MISP: variants seen among roughly 807,000 people sequenced by gnomAD.
MISP encodes mitotic spindle positioning.
A neutral mutation model predicts 49.3 loss-of-function variants in MISP; 51 were observed. That is an observed-to-expected ratio of 1.03 (90% confidence interval 0.83 to 1.31). The LOEUF is 1.31. MISP is among the 50% of genes most tolerant of loss of function. The probability of loss-of-function intolerance (pLI) is 0.00; values close to 1 mark genes in which losing one functional copy is unlikely to be tolerated. For missense variants in MISP, 1,084 were observed against 935.1 expected (o/e 1.16, Z -2.08); for synonymous variants, 444 against 392.6 (o/e 1.13, Z -1.55).
At chr19:751,764 C>T (rs377419581) in intron 1 of MISP, among the ~76,000 whole-genome samples, 5 of 152,114 alleles carry the variant, frequency 3.3e-5, no homozygotes, top group East Asian at 3.9e-4. Flanking sequence ...CTCGGCCCAG[C>T]GTCTGCCGGT....
At position 758,629 on chromosome 19, in the gene MISP, G is replaced by A. The variant is rs756008075; in HGVS notation, c.1683G>A (p.Val561=). The A allele has an allele frequency of 1.2e-6, 2 of 1,614,262 alleles. No individual in the cohort carries two copies. The highest frequency in any genetic ancestry group is 1.1e-5 in the South Asian group (1 of 91,086). ...GTGTCCTGCGCCGGGAGCAAGAGGT[G>A]GCAGAGGAGCGGAGAAATGCTCTCT... ...RESVLRREQE[V]AEERRNALFP... Residue 561 remains valine, a synonymous_variant, in exon 2 of 5, where the codon GTG becomes GTA. Transcript: ENST00000215582.
Position 757,825 on chromosome 19 carries a change from C to A in MISP, c.879C>A (p.Ile293=). Residue 293 remains isoleucine (I), a synonymous_variant, in exon 2 of 5, where the codon ATC becomes ATA. Transcript: ENST00000215582. The part of the protein sequence containing the change: ...ESPGTPKETP[I]EREIRLAQER... The stretch of plus-strand genomic sequence containing the variant: ...CGGGGACCCCCAAGGAGACGCCCAT[C>A]GAGCGGGAGATCCGTCTGGCTCAGG... 1 of 1,611,056 alleles carries A rather than the reference C, an allele frequency of 6.2e-7. No individual in the cohort carries two copies. The highest frequency in any genetic ancestry group is 1.1e-5 in the South Asian group (1 of 90,952).
At chr19:763,418 C>G in intron 4 of MISP, 83 bp from the exon 5 acceptor site, 2 of 958,028 alleles carry the variant, frequency 2.1e-6, no homozygotes. Flanking sequence ...TTCTAGGCCT[C>G]TCTAATGAAT....
upstream of MISP, among the ~76,000 whole-genome samples, chr19:748,934 C>T (rs770475527): frequency 4.6e-5 from 7 of 152,182 alleles, no homozygotes; most frequent in Non-Finnish European, 1.0e-4. Flanking sequence ...GTCAAGAGAT[C>T]GATACCATCC....
Position 757,380 on chromosome 19 carries a change from C to T in MISP, c.434C>T (p.Ala145Val), listed in dbSNP as rs745862363. 3.1e-6 allele frequency: 5 copies of T among 1,611,362 alleles called. No homozygotes were observed. The highest frequency in any genetic ancestry group is 4.2e-6 in the Non-Finnish European group (5 of 1,178,996). ...RLCDLERERW[A>V]VIQGQAVRKS... is the part of the protein sequence containing the mutation. Reference sequence around the variant, plus strand: ...TGTGACCTGGAGCGGGAGCGCTGGGCCGTCATCCAGGGCCAGGCAGTCAGG... The same window carrying T: ...TGTGACCTGGAGCGGGAGCGCTGGGTCGTCATCCAGGGCCAGGCAGTCAGG... The change falls in exon 2 of 5, where the codon GCC becomes GTC. Residue 145 changes from alanine (A) to valine (V), a missense_variant. Physicochemically the swap from Ala to Val is moderately conservative, Grantham distance 64. Coordinates refer to ENST00000215582, the MANE Select transcript of MISP (RefSeq NM_173481.4).
chr19:756,058 T>TG (rs1427068660), intron 1 of MISP, among the ~76,000 whole-genome samples: 1 of 152,142 alleles, frequency 6.6e-6, no homozygotes, highest in Non-Finnish European at 1.5e-5. Flanking sequence ...TGCGAGTTGT[T>TG]GGGGTAGTAA....
At position 758,062 on chromosome 19, in the gene MISP, G is replaced by A. The variant is rs1390236382; in HGVS notation, c.1116G>A (p.Val372=). The A allele has an allele frequency of 1.9e-6, 3 of 1,567,676 alleles. No homozygotes were observed. The highest frequency in any genetic ancestry group is 2.6e-6 in the Non-Finnish European group (3 of 1,159,066). The change falls in exon 2 of 5, where the codon GTG becomes GTA. Residue 372 remains valine (V), a synonymous_variant. Coordinates refer to ENST00000215582, the MANE Select transcript of MISP (RefSeq NM_173481.4). Reference sequence around the variant, plus strand: ...ACCACCGGCGGGAGGGCCTGCACGTGGGCCGGGCGTCCACACCCGACTGGG... The same window carrying A: ...ACCACCGGCGGGAGGGCCTGCACGTAGGCCGGGCGTCCACACCCGACTGGG... ...EEDHRREGLH[V]GRASTPDWVS...
chr19:761,601 C>A, intron 3 of MISP, 24 bp from the exon 4 acceptor site: 1 of 1,614,004 alleles, frequency 6.2e-7, no homozygotes, highest in Non-Finnish European at 8.5e-7. Flanking sequence ...AAGGCCTGGG[C>A]TGACTTGTGT....
At chr19:762,111 C>A (rs2033682486) in intron 4 of MISP, among the ~76,000 whole-genome samples, 1 of 109,354 alleles carries the variant, frequency 9.1e-6, no homozygotes, top group African/African-American at 4.0e-5. Flanking sequence ...CCACGCCCGG[C>A]TATTTTTTTT....
At chr19:752,927 C>G (rs1055488314) in intron 1 of MISP, among the ~76,000 whole-genome samples, 4 of 152,200 alleles carry the variant, frequency 2.6e-5, no homozygotes, top group Admixed American at 1.3e-4. Flanking sequence ...GCAATGAGCC[C>G]GACCCCCACG....
At chr19:761,772 G>C in intron 4 of MISP, 109 bp downstream of exon 4, 2 of 1,195,108 alleles carry the variant, frequency 1.7e-6, no homozygotes, top group East Asian at 4.8e-5. Flanking sequence ...GATCGTATTG[G>C]GTGTCTTCTC....
rs1184293457 is a variant in MISP at position 758,402 on chromosome 19, A to C, written c.1456A>C (p.Lys486Gln). ...KPLSTKQEAS[K>Q]PPRGCPQANR... ...CCTGAGCACAAAGCAAGAGGCATCG[A>C]AGCCCCCTCGGGGATGCCCGCAAGC... Residue 486 changes from lysine (K) to glutamine (Q), a missense_variant, in exon 2 of 5, where the codon AAG (lysine) becomes CAG (glutamine). Transcript: ENST00000215582. 1.9e-6 allele frequency: 3 copies of C among 1,614,068 alleles called. No individual in the cohort carries two copies. The highest frequency in any genetic ancestry group is 2.5e-6 in the Non-Finnish European group (3 of 1,180,036).
Position 757,521 on chromosome 19 carries a change from A to T in MISP, c.575A>T (p.Asp192Val), listed in dbSNP as rs1303985976. Residue 192 changes from aspartate to valine, a missense_variant, in exon 2 of 5, where the codon GAC becomes GTC. Coordinates refer to ENST00000215582, the MANE Select transcript of MISP (RefSeq NM_173481.4). Reference sequence around the variant, plus strand: ...AACGTGGTTGACAGGGAGCAGATTGACTTCCTGGCAGCGAGACAGCAGTTC... The same window carrying T: ...AACGTGGTTGACAGGGAGCAGATTGTCTTCCTGGCAGCGAGACAGCAGTTC... ...EENVVDREQI[D>V]FLAARQQFLS... 1.2e-6 allele frequency: 2 copies of T among 1,609,470 alleles called. No homozygotes were observed. Among genetic ancestry groups the T allele is most frequent in the African/African-American group, 2.7e-5 (2 of 74,878 alleles).
At chr19:748,904 C>T (rs1004774226), upstream of MISP, among the ~76,000 whole-genome samples, 7 of 152,166 alleles carry the variant, frequency 4.6e-5, no homozygotes, top group African/African-American at 1.4e-4. Flanking sequence ...TTTGGGAGGC[C>T]GAGGTGGGCG....
intron 1 of MISP, among the ~76,000 whole-genome samples, chr19:751,798 G>A (rs1468165282): frequency 6.6e-6 from 1 of 152,184 alleles, no homozygotes; most frequent in Admixed American, 6.5e-5. Flanking sequence ...GGAGCCCAAG[G>A]AGCTGAGATG....
rs878899592 is a variant in MISP at position 763,506 on chromosome 19, G to A, written c.1956G>A (p.Leu652=). 2.5e-6 allele frequency: 4 copies of A among 1,613,754 alleles called. No homozygotes were observed. The South Asian group carries it at 4.4e-5, about 18-fold the overall frequency. ...NPSDGINSEV[L]EAIRVTRHKN... The stretch of plus-strand genomic sequence containing the variant: ...TTCATGCCTCCTTTTTGCAGGTCCT[G>A]GAAGCCATACGGGTGACCCGTCACA... The change falls in exon 5 of 5, where the codon CTG becomes CTA. Residue 652 remains leucine (L), a synonymous_variant. Transcript: ENST00000215582.
Position 757,826 on chromosome 19 carries a change from G to T in MISP, c.880G>T (p.Glu294Ter). 6.2e-7 allele frequency: 1 copy of T among 1,611,350 alleles called. No homozygotes were observed. The highest frequency in any genetic ancestry group is 8.5e-7 in the Non-Finnish European group (1 of 1,178,626). Residue 294 changes from glutamate to a stop codon, truncating the protein, a stop_gained, in exon 2 of 5, where the codon GAG becomes TAG. Coordinates refer to ENST00000215582, the MANE Select transcript of MISP (RefSeq NM_173481.4). LOFTEE classifies it high-confidence loss of function. ...GGGGACCCCCAAGGAGACGCCCATCGAGCGGGAGATCCGTCTGGCTCAGGA... is the reference window on the plus strand; with the variant it reads ...GGGGACCCCCAAGGAGACGCCCATCTAGCGGGAGATCCGTCTGGCTCAGGA... ...SPGTPKETPI[E>*]REIRLAQERE... is the part of the protein sequence containing the mutation.
chr19:756,975 T>G lies in MISP; in HGVS notation c.29T>G (p.Leu10Arg). Residue 10 changes from leucine (L) to arginine (R), a missense_variant, in exon 2 of 5, where the codon CTG becomes CGG. Leu to Arg is a moderately radical substitution (Grantham distance 102, BLOSUM62 -2). Transcript: ENST00000215582. MDRVTRYPI[L>R]GIPQAHRGTG... ...GACCGCGTGACCAGATACCCCATCC[T>G]GGGCATCCCTCAGGCACACCGTGGC... 6.3e-7 allele frequency: 1 copy of G among 1,585,062 alleles called. No homozygotes were observed. The highest frequency in any genetic ancestry group is 1.1e-5 in the South Asian group (1 of 88,186).
chr19:750,336 A>T (rs2144947815), upstream of MISP, among the ~76,000 whole-genome samples: 1 of 151,342 alleles, frequency 6.6e-6, no homozygotes, highest in East Asian at 2.0e-4. Flanking sequence ...AGTAGCTGGG[A>T]TTATAATAGC....
Sources: gnomAD v4.1 joint callset for allele counts (sites outside exome capture counted in the v4.1 genomes callset) on GRCh38, gnomAD v4.1.1 for gene constraint, MANE v1.5 for transcripts, NCBI Gene and HGNC (gene_info 2026-07-23, HGNC 2026-07-21) for gene names.